Variants in ACCSL observed in about 807,000 individuals in gnomAD.
The protein encoded by ACCSL is probable inactive 1-aminocyclopropane-1-carboxylate synthase-like protein 2.
A neutral mutation model predicts 61.7 loss-of-function variants in ACCSL; 55 were observed. The ratio of observed to expected loss-of-function variants is 0.89; its 90% CI spans 0.72 to 1.12. The LOEUF (loss-of-function observed/expected upper bound fraction) is 1.12. ACCSL is among the 50% of genes most tolerant of loss of function. The pLI is 0.00. For synonymous variants in ACCSL, 258 were observed against 264.3 expected, an observed-to-expected ratio of 0.98 and a Z score of 0.23; for missense variants, 632 against 698.0, an observed-to-expected ratio of 0.91 and a Z score of 1.07.
At chr11:44,011,221 A>G in the ACCSL span, among the ~76,000 whole-genome samples, 2 of 152,124 alleles carry the variant, frequency 1.3e-5, no homozygotes, top group South Asian at 4.1e-4. Context: ...TCTGCTCAAC[A>G]GGTACATCCT....
the ACCSL span, among the ~76,000 whole-genome samples, chr11:44,029,792 G>C: frequency 6.6e-6 from 1 of 151,998 alleles, no homozygotes; most frequent in African/African-American, 2.4e-5. Context: ...GGAGCAGTGT[G>C]ATCTTGGATT....
At chr11:43,997,130 A>G in the ACCSL span, among the ~76,000 whole-genome samples, 86 of 150,644 alleles carry the variant, frequency 5.7e-4, no homozygotes, top group Middle Eastern at 0.017. Context: ...TTGATTTCAC[A>G]TTATACTCAT....
At chr11:43,982,461 G>A in the ACCSL span, among the ~76,000 whole-genome samples, 1 of 151,770 alleles carries the variant, frequency 6.6e-6, no homozygotes, top group Non-Finnish European at 1.5e-5. Context: ...CTCCTGACCT[G>A]AAGTGATCAG....
the ACCSL span, among the ~76,000 whole-genome samples, chr11:44,036,692 G>T: frequency 6.6e-6 from 1 of 151,254 alleles, no homozygotes; most frequent in Non-Finnish European, 1.5e-5. Flanking sequence ...TGAGGCAGGA[G>T]CATCGCTTGA....
chr11:43,934,114 G>GTC, the ACCSL span, among the ~76,000 whole-genome samples: 1 of 151,862 alleles, frequency 6.6e-6, no homozygotes, highest in Non-Finnish European at 1.5e-5. Flanking sequence ...CTTCTTCCCT[G>GTC]TCTCTCTCTC....
the ACCSL span, among the ~76,000 whole-genome samples, chr11:44,002,990 G>A: frequency 6.6e-6 from 1 of 152,180 alleles, no homozygotes; most frequent in Non-Finnish European, 1.5e-5. Flanking sequence ...CAAGGAGGCT[G>A]CAGCTGCATT....
chr11:43,942,010 T>A, the ACCSL span, among the ~76,000 whole-genome samples: 1 of 150,202 alleles, frequency 6.7e-6, no homozygotes, highest in South Asian at 2.1e-4. Context: ...CGGAATGGAA[T>A]AATCGAGATG....
the ACCSL span, among the ~76,000 whole-genome samples, chr11:43,954,013 G>A: frequency 7.9e-5 from 12 of 152,168 alleles, no homozygotes; most frequent in Admixed American, 5.2e-4. Flanking sequence ...ATTGGGATGT[G>A]CAAGGTGACG....
chr11:43,977,896 T>C, the ACCSL span, among the ~76,000 whole-genome samples: 5 of 152,188 alleles, frequency 3.3e-5, no homozygotes, highest in African/African-American at 1.2e-4. Flanking sequence ...TGGGACATCA[T>C]GCTTGTACGT....
At chr11:43,981,323 T>TC in the ACCSL span, among the ~76,000 whole-genome samples, 1 of 152,030 alleles carries the variant, frequency 6.6e-6, no homozygotes, top group Non-Finnish European at 1.5e-5. Flanking sequence ...ACTTCTGACT[T>TC]CCCTGGACAC....
upstream of ACCSL, among the ~76,000 whole-genome samples, chr11:44,047,216 A>T (rs2134762090): frequency 6.6e-6 from 1 of 152,274 alleles, no homozygotes; most frequent in African/African-American, 2.4e-5. Context: ...CCTAGCCCAT[A>T]GTTACAAGTG....
At chr11:43,924,826 C>T in the ACCSL span, among the ~76,000 whole-genome samples, 1 of 152,352 alleles carries the variant, frequency 6.6e-6, no homozygotes, top group East Asian at 1.9e-4. Flanking sequence ...GCAATCAGGG[C>T]TCCTGCAGGC....
chr11:43,926,644 C>A, the ACCSL span: 1 of 315,822 alleles, frequency 3.2e-6, no homozygotes, highest in South Asian at 2.6e-5. Context: ...AGTTTTTTCT[C>A]CTTACTACAA....
the ACCSL span, among the ~76,000 whole-genome samples, chr11:43,988,042 A>C: frequency 5.9e-5 from 9 of 152,184 alleles, no homozygotes; most frequent in Non-Finnish European, 1.2e-4. Context: ...CCCCACAGGA[A>C]GGATGAATGT....
chr11:43,988,806 CTTTTTTTTTTTT>C, the ACCSL span, among the ~76,000 whole-genome samples: 4 of 97,228 alleles, frequency 4.1e-5, no homozygotes, highest in Admixed American at 2.3e-4. Flanking sequence ...ATTCTCTCTT[CTTTTTTTTTTTT>C]TTTTTTTTTT....
At chr11:43,978,742 C>T in the ACCSL span, among the ~76,000 whole-genome samples, 9 of 147,970 alleles carry the variant, frequency 6.1e-5, no homozygotes, top group African/African-American at 2.2e-4. Context: ...TGCTTCAAAA[C>T]CCCAGTGAAA....
the ACCSL span, chr11:43,943,388 C>T: frequency 7.2e-7 from 1 of 1,395,996 alleles, no homozygotes; most frequent in African/African-American, 1.5e-5. This position sits in a 1 kb window ranked among gnomAD's most constrained non-coding sequence, Gnocchi z 4.8. Flanking sequence ...CCCGGGACCG[C>T]CGCTCCTCGC....
chr11:43,949,422 C>T, the ACCSL span, among the ~76,000 whole-genome samples: 1 of 152,186 alleles, frequency 6.6e-6, no homozygotes, highest in African/African-American at 2.4e-5. Flanking sequence ...ATCTTGGGAC[C>T]CCAAAGTCAC....
Position 44,048,435 on chromosome 11 carries a change from C to T in ACCSL, c.399C>T (p.Arg133=), listed in dbSNP as rs781502418. The change falls in exon 1 of 14, where the codon CGC becomes CGT. Residue 133 remains arginine (R), a synonymous_variant. Coordinates refer to ENST00000378832, the MANE Select transcript of ACCSL (RefSeq NM_001031854.2). The part of the protein sequence containing the change: ...LSDCEAAFVN[R]DLSIRGIDIS... ...ATTGTGAAGCTGCCTTTGTCAACCG[C>T]GACCTATCCATCCGTGGGATTGACA... is the stretch of plus-strand genomic sequence containing the variant. 4.0e-5 allele frequency: 64 copies of T among 1,613,828 alleles called. 1 individual carries two copies. Among genetic ancestry groups the T allele is most frequent in the East Asian group, 8.9e-5 (4 of 44,872 alleles).
Sources: gnomAD v4.1 joint callset for allele counts (sites outside exome capture counted in the v4.1 genomes callset) on GRCh38, gnomAD v4.1.1 for gene constraint, Gnocchi (gnomAD v3.1) non-coding constraint, MANE v1.5 for transcripts, NCBI Gene and HGNC (gene_info 2026-07-23, HGNC 2026-07-21) for gene names.